ZEB1: variants seen among roughly 807,000 people sequenced by gnomAD.
The protein encoded by ZEB1 is zinc finger E-box-binding homeobox 1.
ZEB1 carries 21 observed loss-of-function variants against 84.9 expected under a neutral mutation model. The ratio of observed to expected loss-of-function variants is 0.25; its 90% CI spans 0.18 to 0.36. ZEB1 has a LOEUF of 0.36. Ranked by LOEUF, ZEB1 falls within the 10% of genes least tolerant of loss-of-function variation. The pLI is 1.00. For missense variants in ZEB1, 1,104 were observed against 1,330.2 expected (o/e 0.83, Z 2.65); for synonymous variants, 420 against 471.1 (o/e 0.89, Z 1.41).
rs115562757 is a variant in ZEB1, at chr10:31,388,475, A to G, written c.58+69183A>G. 7.0e-3 allele frequency among the ~76,000 whole-genome samples: 1,069 copies of G among 152,220 alleles called. 12 individuals are homozygous for G. The highest frequency in any genetic ancestry group is 0.024 in the African/African-American group (980 of 41,552). ...TTCCTATAGCTGTATAATAGAAGAT[A>G]TTAAAGAGGAAAAATACTTGTGTGT... is the stretch of plus-strand genomic sequence containing the variant. On this transcript the variant is annotated intron_variant, in intron 1 of 8. Transcript: ENST00000424869.
At chr10:31,501,768 A>G (rs2068173783) in intron 3 of ZEB1, among the ~76,000 whole-genome samples, 1 of 152,128 alleles carries the variant, frequency 6.6e-6, no homozygotes, top group African/African-American at 2.4e-5. Context: ...TTGCAACAAG[A>G]ACTATAATAA....
chr10:31,372,213 G>A (rs866734696), intron 1 of ZEB1, among the ~76,000 whole-genome samples: 10 of 151,944 alleles, frequency 6.6e-5, no homozygotes, highest in Admixed American at 2.0e-4. Context: ...TTTCAGTTTA[G>A]CTTTATTTGA....
chr10:31,373,704 T>A (rs2046120885), intron 1 of ZEB1, among the ~76,000 whole-genome samples: 1 of 151,888 alleles, frequency 6.6e-6, no homozygotes, highest in Non-Finnish European at 1.5e-5. Flanking sequence ...GTATAATTGC[T>A]ACTATACTTT....
At chr10:31,349,562 C>T (rs2040949928) in intron 1 of ZEB1, among the ~76,000 whole-genome samples, 2 of 152,212 alleles carry the variant, frequency 1.3e-5, no homozygotes, top group Admixed American at 1.3e-4. Context: ...TTCCTTCTCT[C>T]TGCATCCTCA....
intron 1 of ZEB1, chr10:31,362,739 C>T: frequency 1.8e-6 from 1 of 570,864 alleles, no homozygotes; most frequent in Non-Finnish European, 3.2e-6. Context: ...CAGAGATGCT[C>T]CTCAGGTCTC....
chr10:31,392,478 G>A (rs1460546856), intron 1 of ZEB1, among the ~76,000 whole-genome samples: 1 of 152,064 alleles, frequency 6.6e-6, no homozygotes, highest in East Asian at 1.9e-4. Context: ...TCAGTGATAA[G>A]GGCATTTTAA....
upstream of ZEB1, chr10:31,319,027 G>C: frequency 1.6e-6 from 1 of 623,020 alleles, no homozygotes; most frequent in African/African-American, 1.8e-5. Context: ...CAGTGCCCAC[G>C]GTTGCCGCAA....
At chr10:31,478,106 A>G (rs901160344) in intron 2 of ZEB1, among the ~76,000 whole-genome samples, 1 of 151,950 alleles carries the variant, frequency 6.6e-6, no homozygotes, top group African/African-American at 2.4e-5. Flanking sequence ...TGCAAGTCAT[A>G]CCTCCGACAA....
chr10:31,349,759 G>A (rs956577671), intron 1 of ZEB1, among the ~76,000 whole-genome samples: 1 of 151,822 alleles, frequency 6.6e-6, no homozygotes, highest in African/African-American at 2.4e-5. Context: ...TTTTTATTAG[G>A]TTTATTTATT....
At chr10:31,334,086 T>C (rs2037447812) in intron 1 of ZEB1, among the ~76,000 whole-genome samples, 1 of 152,054 alleles carries the variant, frequency 6.6e-6, no homozygotes, top group Non-Finnish European at 1.5e-5. Flanking sequence ...ATCATTATTA[T>C]AGCTTATTTA....
intron 1 of ZEB1, among the ~76,000 whole-genome samples, chr10:31,333,037 G>A: frequency 6.6e-6 from 1 of 152,108 alleles, no homozygotes; most frequent in East Asian, 1.9e-4. Flanking sequence ...ATCAAGTTAA[G>A]CTGACTTTTT....
At chr10:31,363,084 G>T (rs1266565052) in intron 1 of ZEB1, 1 of 1,533,884 alleles carries the variant, frequency 6.5e-7, no homozygotes, top group Non-Finnish European at 8.7e-7. Context: ...TTCTTTTGTG[G>T]GACCTGTGGC....
intron 1 of ZEB1, among the ~76,000 whole-genome samples, chr10:31,328,974 A>G (rs935294639): frequency 6.6e-6 from 1 of 151,968 alleles, no homozygotes; most frequent in Non-Finnish European, 1.5e-5. Flanking sequence ...ATTCTAAGCC[A>G]AAAGTTAAAA....
intron 1 of ZEB1, chr10:31,372,926 C>A: frequency 1.2e-6 from 1 of 827,062 alleles, no homozygotes; most frequent in Non-Finnish European, 1.5e-6. Context: ...GAACAGGAGG[C>A]AAATCATATT....
chr10:31,456,206 A>G (rs1047243208), intron 1 of ZEB1, among the ~76,000 whole-genome samples: 10 of 152,158 alleles, frequency 6.6e-5, no homozygotes, highest in Admixed American at 6.5e-5. Context: ...GAGTTGAACA[A>G]TAAGAACACA....
At chr10:31,349,521 A>G (rs1237332747) in intron 1 of ZEB1, among the ~76,000 whole-genome samples, 3 of 152,096 alleles carry the variant, frequency 2.0e-5, no homozygotes, top group African/African-American at 4.8e-5. Context: ...GGCTGTACCA[A>G]TTTACATTCC....
At position 31,408,991 on chromosome 10, in the gene ZEB1, A is replaced by G. The variant is rs571663974; in HGVS notation, c.59-52046A>G. ...AAATGGGAGAAAATTTTTGCAACCT[A>G]CTCATCTGACAAAGGGCTAATATCC... On this transcript the variant is annotated intron_variant, in intron 1 of 8. Coordinates refer to ENST00000424869, the MANE Select transcript of ZEB1 (RefSeq NM_001174096.2). 1.8e-4 allele frequency among the ~76,000 whole-genome samples: 28 copies of G among 151,674 alleles called. No homozygotes were observed. In the East Asian group the frequency reaches 5.4e-3, roughly 29 times the overall value.
chr10:31,452,759 G>GAGAGAGAT (rs1554878946), intron 1 of ZEB1, among the ~76,000 whole-genome samples: 9 of 149,804 alleles, frequency 6.0e-5, no homozygotes, highest in African/African-American at 2.2e-4. Context: ...GAGAGAGAGA[G>GAGAGAGAT]AGAGAGAGAG....
chr10:31,499,870 C>T (rs891075099), intron 3 of ZEB1, among the ~76,000 whole-genome samples: 1 of 151,836 alleles, frequency 6.6e-6, no homozygotes, highest in African/African-American at 2.4e-5. Context: ...TTATGTAGAT[C>T]GAATCTAATT....
Sources: allele counts gnomAD v4.1 joint callset (sites outside exome capture counted in the v4.1 genomes callset), GRCh38; gene constraint gnomAD v4.1.1; transcripts MANE v1.5; gene names NCBI Gene and HGNC (gene_info 2026-07-23, HGNC 2026-07-21).